Variants in TEC observed in about 807,000 individuals in gnomAD.
TEC encodes tec protein tyrosine kinase.
A neutral mutation model predicts 93.0 loss-of-function variants in TEC; 72 were observed. The observed-to-expected ratio is 0.77, with a 90% CI of 0.64 to 0.94. The LOEUF is 0.94. Among genes scored for constraint, TEC ranks in the 40% least tolerant of loss-of-function variants. The probability of loss-of-function intolerance (pLI) is 0.00; values close to 1 mark genes in which losing one functional copy is unlikely to be tolerated. For missense variants in TEC, 630 were observed against 757.9 expected, an observed-to-expected ratio of 0.83 and a Z score of 1.98; for synonymous variants, 249 against 247.7, an observed-to-expected ratio of 1.01 and a Z score of -0.05.
At chr4:48,216,510 T>A (rs899477848) in intron 2 of TEC, among the ~76,000 whole-genome samples, 7 of 151,880 alleles carry the variant, frequency 4.6e-5, no homozygotes, top group Non-Finnish European at 1.0e-4. Flanking sequence ...AGTTCTTTTT[T>A]AAAAAAAATG....
chr4:48,172,297 T>C (rs1289209987), intron 3 of TEC, among the ~76,000 whole-genome samples: 7 of 152,192 alleles, frequency 4.6e-5, no homozygotes, highest in African/African-American at 1.7e-4. Flanking sequence ...AAAAAGTTAA[T>C]ACATGGCTAG....
intron 2 of TEC, among the ~76,000 whole-genome samples, chr4:48,186,304 C>G (rs1489675576): frequency 3.9e-5 from 6 of 152,184 alleles, no homozygotes; most frequent in African/African-American, 1.2e-4. Flanking sequence ...AGGAGCGTCT[C>G]TGCCTGGCCA....
At chr4:48,251,543 C>T (rs968380947) in intron 1 of TEC, among the ~76,000 whole-genome samples, 2 of 152,208 alleles carry the variant, frequency 1.3e-5, no homozygotes, top group African/African-American at 2.4e-5. Flanking sequence ...ACTCTCCCCA[C>T]TGGTTGTAAG....
intron 3 of TEC, among the ~76,000 whole-genome samples, chr4:48,175,306 C>T (rs892173723): frequency 2.0e-5 from 3 of 152,150 alleles, no homozygotes; most frequent in Admixed American, 6.5e-5. Flanking sequence ...AAAATTCCAC[C>T]ACATTGAAAA....
At chr4:48,261,182 T>C (rs1419216407) in intron 1 of TEC, among the ~76,000 whole-genome samples, 1 of 152,160 alleles carries the variant, frequency 6.6e-6, no homozygotes, top group South Asian at 2.1e-4. Flanking sequence ...CTTCTATAAC[T>C]GGTTTAAGTA....
intron 2 of TEC, among the ~76,000 whole-genome samples, chr4:48,182,062 C>T (rs1487055735): frequency 2.0e-5 from 3 of 152,002 alleles, no homozygotes; most frequent in Admixed American, 2.0e-4. Context: ...GCAGGCAGAT[C>T]ACTTGAGGTC....
At chr4:48,198,383 T>A (rs1722377159) in intron 2 of TEC, among the ~76,000 whole-genome samples, 1 of 152,184 alleles carries the variant, frequency 6.6e-6, no homozygotes, top group African/African-American at 2.4e-5. Context: ...TCCTCCAGGC[T>A]AAAGAAGTAC....
chr4:48,190,565 C>T (rs764953854), intron 2 of TEC, among the ~76,000 whole-genome samples: 3 of 152,306 alleles, frequency 2.0e-5, no homozygotes, highest in East Asian at 1.9e-4. Context: ...AGCATTTTGA[C>T]GCCCTAGCAA....
chr4:48,265,966 T>G (rs933378349), intron 1 of TEC, among the ~76,000 whole-genome samples: 2 of 152,078 alleles, frequency 1.3e-5, no homozygotes, highest in African/African-American at 4.8e-5. Flanking sequence ...TCTATAAACT[T>G]CAGGGAGGAC....
chr4:48,182,162 G>A (rs768561059), intron 2 of TEC, among the ~76,000 whole-genome samples: 2 of 151,944 alleles, frequency 1.3e-5, no homozygotes, highest in Non-Finnish European at 2.9e-5. Flanking sequence ...GCAAATACCT[G>A]TAATCCCAGC....
chr4:48,263,030 C>T (rs1724537024), intron 1 of TEC, among the ~76,000 whole-genome samples: 1 of 152,176 alleles, frequency 6.6e-6, no homozygotes, highest in Non-Finnish European at 1.5e-5. Context: ...TACAAAGCAA[C>T]TGGGAGAGCA....
intron 2 of TEC, among the ~76,000 whole-genome samples, chr4:48,221,319 C>T (rs1723253643): frequency 6.6e-6 from 1 of 152,162 alleles, no homozygotes; most frequent in Non-Finnish European, 1.5e-5. Flanking sequence ...GCGGTTACCC[C>T]CATGCTGCTG....
chr4:48,249,885 C>T (rs1724157074), intron 1 of TEC, among the ~76,000 whole-genome samples: 1 of 152,176 alleles, frequency 6.6e-6, no homozygotes, highest in South Asian at 2.1e-4. Flanking sequence ...AATAGAAAAG[C>T]ACATTCAAAG....
chr4:48,222,192 C>T (rs1306047371), intron 2 of TEC, among the ~76,000 whole-genome samples: 5 of 152,058 alleles, frequency 3.3e-5, no homozygotes, highest in African/African-American at 1.2e-4. Flanking sequence ...GAGTGTGTCA[C>T]TCCAAATAGA....
chr4:48,239,501 A>C (rs138715787), intron 1 of TEC, among the ~76,000 whole-genome samples: 2,818 of 152,346 alleles, frequency 0.018, 76 homozygotes, highest in African/African-American at 0.063. Context: ...AAATAAGATA[A>C]AACAAATTTC....
intron 6 of TEC, 73 bp from the exon 7 acceptor site, chr4:48,168,026 A>G (rs1720944875): frequency 2.2e-6 from 3 of 1,360,762 alleles, no homozygotes; most frequent in Non-Finnish European, 3.1e-6. Flanking sequence ...ACACTAAATG[A>G]GTCATACATC....
At chr4:48,148,000 A>G (rs942603112) in intron 11 of TEC, among the ~76,000 whole-genome samples, 1 of 152,224 alleles carries the variant, frequency 6.6e-6, no homozygotes, top group Non-Finnish European at 1.5e-5. Context: ...CACATATTGT[A>G]TAATTCCATT....
At chr4:48,215,057 G>T (rs980036780) in intron 2 of TEC, among the ~76,000 whole-genome samples, 14 of 152,058 alleles carry the variant, frequency 9.2e-5, no homozygotes, top group African/African-American at 3.1e-4. Context: ...GGAGGCTGAG[G>T]CAGGAGAATC....
chr4:48,159,579 G>T (rs1720542187), intron 8 of TEC, among the ~76,000 whole-genome samples: 1 of 147,988 alleles, frequency 6.8e-6, no homozygotes, highest in Admixed American at 6.7e-5. Context: ...TTTTGAGATG[G>T]GGTTTCACAC....
Sources: gnomAD v4.1 joint callset for allele counts (sites outside exome capture counted in the v4.1 genomes callset) on GRCh38, gnomAD v4.1.1 for gene constraint, MANE v1.5 for transcripts, NCBI Gene and HGNC (gene_info 2026-07-23, HGNC 2026-07-21) for gene names.